Variants in GRM8 observed in about 807,000 individuals in gnomAD.
The protein encoded by GRM8 is metabotropic glutamate receptor 8.
GRM8 carries 47 observed loss-of-function variants against 87.2 expected under a neutral mutation model. The ratio of observed to expected loss-of-function variants is 0.54; its 90% CI spans 0.43 to 0.69. GRM8 has a LOEUF of 0.69. Among genes scored for constraint, GRM8 ranks in the 30% least tolerant of loss-of-function variants. The pLI is 0.00. For missense variants in GRM8, 1,019 were observed against 1,139.2 expected (o/e 0.89, Z 1.52); for synonymous variants, 396 against 404.5 (o/e 0.98, Z 0.25).
intron 8 of GRM8, among the ~76,000 whole-genome samples, chr7:126,540,556 G>A (rs1355914493): frequency 6.6e-6 from 1 of 152,128 alleles, no homozygotes; most frequent in Non-Finnish European, 1.5e-5. Context: ...ACCAGTAACT[G>A]ATGAAAGGAT....
chr7:127,062,905 T>C (rs1820756898), intron 3 of GRM8, among the ~76,000 whole-genome samples: 1 of 152,172 alleles, frequency 6.6e-6, no homozygotes, highest in Non-Finnish European at 1.5e-5. Flanking sequence ...TCCTTTCTTA[T>C]CTTCTTTATT....
At chr7:126,835,609 T>G (rs1487558404) in intron 6 of GRM8, among the ~76,000 whole-genome samples, 1 of 152,246 alleles carries the variant, frequency 6.6e-6, no homozygotes, top group Non-Finnish European at 1.5e-5. Flanking sequence ...TTAAAATCCA[T>G]TTAATTTCTT....
intron 2 of GRM8, among the ~76,000 whole-genome samples, chr7:127,120,741 A>T (rs1361111864): frequency 6.6e-6 from 1 of 152,180 alleles, no homozygotes; most frequent in Non-Finnish European, 1.5e-5. Flanking sequence ...CCTCTAATTC[A>T]CTTTATGAAG....
At chr7:127,142,480 C>A (rs1049451090) in intron 2 of GRM8, among the ~76,000 whole-genome samples, 9 of 152,240 alleles carry the variant, frequency 5.9e-5, no homozygotes, top group African/African-American at 9.6e-5. Context: ...CAGATCATAA[C>A]CCTGAGTATT....
chr7:126,448,835 T>C (rs1297166506), intron 9 of GRM8, among the ~76,000 whole-genome samples: 1 of 151,832 alleles, frequency 6.6e-6, no homozygotes, highest in African/African-American at 2.4e-5. Flanking sequence ...AGCTAAATGA[T>C]AAGAACACAT....
chr7:126,603,803 T>C (rs940068117), intron 8 of GRM8, among the ~76,000 whole-genome samples: 14 of 152,082 alleles, frequency 9.2e-5, no homozygotes, highest in African/African-American at 2.9e-4. Context: ...TGTAAGCAAC[T>C]TTGCAAACAG....
At chr7:127,075,468 A>G (rs1294276928) in intron 3 of GRM8, among the ~76,000 whole-genome samples, 1 of 152,168 alleles carries the variant, frequency 6.6e-6, no homozygotes, top group Non-Finnish European at 1.5e-5. Flanking sequence ...AATTAGTTTT[A>G]GTTGGAATTT....
intron 6 of GRM8, among the ~76,000 whole-genome samples, chr7:126,773,673 T>C (rs942600237): frequency 2.6e-5 from 4 of 152,138 alleles, no homozygotes; most frequent in African/African-American, 9.7e-5. Context: ...TGCTCCAATT[T>C]AATACATATA....
chr7:126,732,066 C>T (rs1296534048), intron 7 of GRM8, among the ~76,000 whole-genome samples: 1 of 151,994 alleles, frequency 6.6e-6, no homozygotes, highest in Non-Finnish European at 1.5e-5. Flanking sequence ...ATGCAAGTAT[C>T]ACCAAAACTC....
At chr7:126,752,326 A>T (rs1374831210) in intron 7 of GRM8, among the ~76,000 whole-genome samples, 1 of 152,066 alleles carries the variant, frequency 6.6e-6, no homozygotes, top group East Asian at 1.9e-4. Flanking sequence ...TGACTATGAA[A>T]ATTAATTAAC....
chr7:127,195,707 T>C (rs1163689795), intron 2 of GRM8, among the ~76,000 whole-genome samples: 2 of 152,104 alleles, frequency 1.3e-5, no homozygotes, highest in African/African-American at 4.8e-5. Context: ...CTGGGCCTCC[T>C]TTATGAGCCT....
At chr7:127,147,522 C>A (rs1346903822) in intron 2 of GRM8, among the ~76,000 whole-genome samples, 1 of 152,004 alleles carries the variant, frequency 6.6e-6, no homozygotes, top group Non-Finnish European at 1.5e-5. Flanking sequence ...TCCCTCCTAT[C>A]CCCCCACTCA....
chr7:126,755,301 T>C (rs1816881229), intron 7 of GRM8, among the ~76,000 whole-genome samples: 3 of 151,932 alleles, frequency 2.0e-5, no homozygotes, highest in Non-Finnish European at 2.9e-5. Context: ...ATAAGAAGTG[T>C]CAATTCTCTT....
rs1792711778 is a variant in GRM8, at chr7:126,806,365, G to T, written c.1157-36300C>A. 2.0e-5 allele frequency among the ~76,000 whole-genome samples: 3 copies of T among 152,338 alleles called. No individual in the cohort carries two copies. In the South Asian group the frequency reaches 6.2e-4, roughly 32 times the overall value. ...ATGAGTGTTACAGCTCAGAAAGCTG[G>T]CACGGACACAGAGTGAGCAGCAGGA... On this transcript the variant is annotated intron_variant, in intron 6 of 10. Coordinates refer to ENST00000339582, the MANE Select transcript of GRM8 (RefSeq NM_000845.3).
At chr7:127,148,287 T>C (rs1482063229) in intron 2 of GRM8, among the ~76,000 whole-genome samples, 2 of 151,948 alleles carry the variant, frequency 1.3e-5, no homozygotes, top group African/African-American at 4.8e-5. Flanking sequence ...ATGGCTATTG[T>C]AAATATATAT....
intron 8 of GRM8, among the ~76,000 whole-genome samples, chr7:126,579,005 G>A (rs1022033289): frequency 1.3e-5 from 2 of 151,926 alleles, no homozygotes; most frequent in Admixed American, 1.3e-4. Flanking sequence ...AATAGTACCA[G>A]ACTTTTTCAT....
At chr7:126,561,254 C>T (rs948148361) in intron 8 of GRM8, among the ~76,000 whole-genome samples, 1 of 152,068 alleles carries the variant, frequency 6.6e-6, no homozygotes, top group Non-Finnish European at 1.5e-5. Flanking sequence ...GGGCGGATCA[C>T]GAGGTCAGGA....
chr7:126,907,352 AAAGCAG>A (rs1802820790), intron 3 of GRM8, among the ~76,000 whole-genome samples: 1 of 151,378 alleles, frequency 6.6e-6, no homozygotes, highest in Admixed American at 6.6e-5. Context: ...GGAGAAGGAG[AAAGCAG>A]AAGCAGAAGA....
chr7:126,541,949 G>T (rs914597716), intron 8 of GRM8, among the ~76,000 whole-genome samples: 1 of 152,104 alleles, frequency 6.6e-6, no homozygotes, highest in Non-Finnish European at 1.5e-5. Flanking sequence ...CTTTAAAGAG[G>T]TAATTAAAGT....
Sources: allele counts gnomAD v4.1 joint callset (sites outside exome capture counted in the v4.1 genomes callset), GRCh38; gene constraint gnomAD v4.1.1; transcripts MANE v1.5; gene names NCBI Gene and HGNC (gene_info 2026-07-23, HGNC 2026-07-21).